Variants in CPEB3 observed in about 807,000 individuals in gnomAD.
CPEB3 encodes cytoplasmic polyadenylation element-binding protein 3.
A neutral mutation model predicts 67.2 loss-of-function variants in CPEB3; 20 were observed. The observed-to-expected ratio is 0.30, with a 90% CI of 0.21 to 0.43. CPEB3 has a LOEUF of 0.43. CPEB3 is among the 20% of genes least tolerant of loss of function. The pLI, the probability that CPEB3 is intolerant of heterozygous loss-of-function variation, is 1.00. For synonymous variants in CPEB3, 376 were observed against 393.1 expected, an observed-to-expected ratio of 0.96 and a Z score of 0.51; for missense variants, 746 against 968.6, an observed-to-expected ratio of 0.77 and a Z score of 3.05.
intron 7 of CPEB3, among the ~76,000 whole-genome samples, chr10:92,095,626 T>C (rs1843835004): frequency 1.4e-5 from 2 of 144,738 alleles, no homozygotes; most frequent in Admixed American, 6.9e-5. Context: ...TGTGTATATA[T>C]ATATTGCGTA....
chr10:92,073,205 T>C (rs1842816559), intron 9 of CPEB3, among the ~76,000 whole-genome samples: 1 of 150,648 alleles, frequency 6.6e-6, no homozygotes, highest in Non-Finnish European at 1.5e-5. Context: ...GCACTGCTAA[T>C]TTTTTTTATT....
At chr10:92,273,101 G>A (rs566258454) in intron 1 of CPEB3, among the ~76,000 whole-genome samples, 4 of 152,298 alleles carry the variant, frequency 2.6e-5, no homozygotes, top group East Asian at 3.9e-4. Context: ...GTAGGGGAAT[G>A]TGGTAAGAGA....
At chr10:92,203,220 C>A (rs574652237) in intron 2 of CPEB3, among the ~76,000 whole-genome samples, 1 of 151,296 alleles carries the variant, frequency 6.6e-6, no homozygotes, top group Non-Finnish European at 1.5e-5. Context: ...ACATTACAGG[C>A]GTGAGCCACC....
At chr10:92,208,551 G>A (rs1849904245) in intron 2 of CPEB3, among the ~76,000 whole-genome samples, 1 of 151,266 alleles carries the variant, frequency 6.6e-6, no homozygotes, top group South Asian at 2.1e-4. Context: ...AGGAAGTTGG[G>A]CAATGTGTCT....
chr10:92,238,654 G>C (rs1037770364), intron 2 of CPEB3, among the ~76,000 whole-genome samples: 4 of 151,428 alleles, frequency 2.6e-5, no homozygotes, highest in African/African-American at 4.9e-5. Context: ...CCTTCTTCTA[G>C]GTAACATGGA....
chr10:92,145,009 C>T lies in CPEB3; in HGVS notation c.1299G>A (p.Gly433=), dbSNP rs765907048. Residue 433 remains glycine, a synonymous_variant, in exon 5 of 10, where the codon GGG becomes GGA. Transcript: ENST00000265997. ...TTCTAGAGTAGCGTTCTACTCGTTC[C>T]CCATTTTGACAGCGAGTGGGAGAAC... ...GLSSPTRCQN[G]ERVERYSRKV... 104 of 1,613,984 alleles carry T rather than the reference C, an allele frequency of 6.4e-5. No homozygotes were observed. The highest frequency in any genetic ancestry group is 1.2e-4 in the Admixed American group (7 of 60,008).
chr10:92,144,640 G>A (rs977015912), intron 5 of CPEB3, among the ~76,000 whole-genome samples: 28 of 152,168 alleles, frequency 1.8e-4, no homozygotes, highest in South Asian at 6.2e-4. Flanking sequence ...TTGAATTTGA[G>A]TTGCAACTGC....
rs1165479438 is a variant in CPEB3, at chr10:92,111,094, G to A, written c.1554C>T (p.Pro518=). The A allele has an allele frequency of 1.9e-6, 3 of 1,612,796 alleles. No homozygotes were observed. The highest frequency in any genetic ancestry group is 2.2e-5 in the South Asian group (2 of 91,038). Reference sequence around the variant, plus strand: ...TACTTACTGGCTTGTCCTTGATGGTGGGGCTTGACACACACAGGTAGAGTT... The same window carrying A: ...TACTTACTGGCTTGTCCTTGATGGTAGGGCTTGACACACACAGGTAGAGTT... ...DGKLYLCVSS[P]TIKDKPVQIR... The change falls in exon 7 of 10, where the codon CCC becomes CCT. Residue 518 remains proline, a synonymous_variant. Transcript: ENST00000265997.
intron 1 of CPEB3, among the ~76,000 whole-genome samples, chr10:92,279,068 T>C (rs920026773): frequency 2.0e-5 from 3 of 152,160 alleles, no homozygotes; most frequent in Non-Finnish European, 4.4e-5. Context: ...GAACCTCCAG[T>C]ACAACGTTGA....
chr10:92,279,947 A>T (rs887269868), intron 1 of CPEB3, among the ~76,000 whole-genome samples: 1 of 152,084 alleles, frequency 6.6e-6, no homozygotes, highest in Non-Finnish European at 1.5e-5. Context: ...GGAGACAGAG[A>T]CTGCAATGAG....
intron 4 of CPEB3, among the ~76,000 whole-genome samples, chr10:92,151,348 A>G (rs1846958363): frequency 6.6e-6 from 1 of 152,170 alleles, no homozygotes; most frequent in Non-Finnish European, 1.5e-5. Context: ...GTAGCTCAGC[A>G]ATCAGTCACT....
intron 7 of CPEB3, among the ~76,000 whole-genome samples, chr10:92,098,255 A>C (rs1843987009): frequency 7.2e-6 from 1 of 139,718 alleles, no homozygotes; most frequent in Non-Finnish European, 1.5e-5. Context: ...CATAGACCCC[A>C]TTTTTTGCAT....
chr10:92,271,742 G>T (rs1464949702), intron 1 of CPEB3, among the ~76,000 whole-genome samples: 1 of 152,162 alleles, frequency 6.6e-6, no homozygotes, highest in Non-Finnish European at 1.5e-5. Context: ...TTGTAAAACA[G>T]CTACTGTATT....
chr10:92,288,249 C>A (rs904399408), intron 1 of CPEB3, among the ~76,000 whole-genome samples: 1 of 152,050 alleles, frequency 6.6e-6, no homozygotes, highest in Non-Finnish European at 1.5e-5. Flanking sequence ...CATTTGTGCT[C>A]ATGAGTTCGA....
intron 2 of CPEB3, among the ~76,000 whole-genome samples, chr10:92,221,835 G>C (rs1850714824): frequency 6.6e-6 from 1 of 152,172 alleles, no homozygotes. Flanking sequence ...GGGAGAGAGA[G>C]AGAGAGACAT....
At chr10:92,151,195 T>C (rs1307663320) in intron 4 of CPEB3, among the ~76,000 whole-genome samples, 1 of 152,168 alleles carries the variant, frequency 6.6e-6, no homozygotes, top group Non-Finnish European at 1.5e-5. Context: ...CAAAAGCCCA[T>C]TGGCCAAGCT....
intron 1 of CPEB3, among the ~76,000 whole-genome samples, chr10:92,249,031 A>G (rs112909550): frequency 1.3e-5 from 2 of 152,272 alleles, no homozygotes; most frequent in African/African-American, 4.8e-5. Context: ...TCACTCATGT[A>G]TTTGTTGTGA....
At chr10:92,235,819 T>A (rs1452151175) in intron 2 of CPEB3, among the ~76,000 whole-genome samples, 1 of 152,346 alleles carries the variant, frequency 6.6e-6, no homozygotes, top group African/African-American at 2.4e-5. Flanking sequence ...TTATCCTCTG[T>A]AAAATGAGCA....
At chr10:92,215,984 A>G (rs1222009899) in intron 2 of CPEB3, among the ~76,000 whole-genome samples, 1 of 147,516 alleles carries the variant, frequency 6.8e-6, no homozygotes, top group Non-Finnish European at 1.5e-5. Context: ...TCCTGACCTC[A>G]TGATCCACCT....
Sources: allele counts gnomAD v4.1 joint callset (sites outside exome capture counted in the v4.1 genomes callset), GRCh38; gene constraint gnomAD v4.1.1; transcripts MANE v1.5; gene names NCBI Gene and HGNC (gene_info 2026-07-23, HGNC 2026-07-21).